Variants in BTF3L4 observed in about 807,000 individuals in gnomAD.
BTF3L4 encodes the protein basic transcription factor 3 like 4.
BTF3L4 carries 6 observed loss-of-function variants against 16.8 expected under a neutral mutation model. The ratio of observed to expected loss-of-function variants is 0.36; its 90% CI spans 0.20 to 0.71. The LOEUF (loss-of-function observed/expected upper bound fraction) is 0.71. Among genes scored for constraint, BTF3L4 ranks in the 30% least tolerant of loss-of-function variants. The pLI is 0.58. For missense variants in BTF3L4, 92 were observed against 186.9 expected, an observed-to-expected ratio of 0.49 and a Z score of 2.96; for synonymous variants, 39 against 59.8, an observed-to-expected ratio of 0.65 and a Z score of 1.60.
chr1:52,056,665 T>A (rs546418374), intron 1 of BTF3L4, among the ~76,000 whole-genome samples: 1 of 152,382 alleles, frequency 6.6e-6, no homozygotes, highest in South Asian at 2.1e-4. Context: ...GCCCCTCCTC[T>A]GTTCCATTAC....
chr1:52,070,897 A>G (rs1400638984), intron 3 of BTF3L4, among the ~76,000 whole-genome samples: 1 of 152,052 alleles, frequency 6.6e-6, no homozygotes, highest in Non-Finnish European at 1.5e-5. Flanking sequence ...TGGCCTCCCA[A>G]AGTCCTGGGA....
In BTF3L4 at chr1:52,064,929, T is replaced by G; in HGVS notation, c.159T>G (p.Gly53=). The G allele has an allele frequency of 2.5e-6, 4 of 1,604,132 alleles. No homozygotes were observed. The highest frequency in any genetic ancestry group is 3.4e-6 in the Non-Finnish European group (4 of 1,171,760). ...LKKLAVNNIA[G]IEEVNMIKDD... is the part of the protein sequence containing the mutation. ...AACTGGCTGTGAATAATATAGCTGG[T>G]ATTGAAGAGGTATGATCACTTTGCA... is the stretch of plus-strand genomic sequence containing the variant. The change falls in exon 3 of 6, where the codon GGT becomes GGG. Residue 53 remains glycine, a synonymous_variant. Coordinates refer to ENST00000313334, the MANE Select transcript of BTF3L4 (RefSeq NM_152265.5).
At chr1:52,062,618 C>A (rs1686544205) in intron 2 of BTF3L4, among the ~76,000 whole-genome samples, 2 of 152,118 alleles carry the variant, frequency 1.3e-5, no homozygotes, top group Non-Finnish European at 2.9e-5. Context: ...GAGTTTTATC[C>A]TATAGGCAGT....
At chr1:52,071,929 C>CTGTG (rs1558007148) in intron 3 of BTF3L4, among the ~76,000 whole-genome samples, 2 of 78,950 alleles carry the variant, frequency 2.5e-5, no homozygotes, top group African/African-American at 4.9e-5. Context: ...TTGTTTTTTA[C>CTGTG]TCTGTGTGTG....
At chr1:52,083,597 T>A (rs1643943595) in intron 4 of BTF3L4, 56 bp downstream of exon 4, 2 of 1,399,382 alleles carry the variant, frequency 1.4e-6, no homozygotes, top group Admixed American at 3.6e-5. Flanking sequence ...AAGAACCTAA[T>A]CATTTAAAAG....
At chr1:52,070,097 A>G (rs1274540831) in intron 3 of BTF3L4, among the ~76,000 whole-genome samples, 1 of 152,028 alleles carries the variant, frequency 6.6e-6, no homozygotes, top group African/African-American at 2.4e-5. Context: ...CATGCCTGTA[A>G]TCCTAGCTAC....
chr1:52,059,937 T>C (rs1255434059), intron 2 of BTF3L4, 36 bp downstream of exon 2: 2 of 1,568,454 alleles, frequency 1.3e-6, no homozygotes, highest in Non-Finnish European at 1.7e-6. Context: ...TAGGAGAATG[T>C]ATGATTACCA....
At chr1:52,085,644 G>C (rs982689089) in intron 4 of BTF3L4, among the ~76,000 whole-genome samples, 2 of 152,042 alleles carry the variant, frequency 1.3e-5, no homozygotes, top group African/African-American at 4.8e-5. Flanking sequence ...GAGGTCAGGA[G>C]TTCGAGACCA....
intron 3 of BTF3L4, among the ~76,000 whole-genome samples, chr1:52,067,149 T>C (rs1686671577): frequency 6.6e-6 from 1 of 152,120 alleles, no homozygotes; most frequent in East Asian, 1.9e-4. Flanking sequence ...GGCAGGAGAA[T>C]GGCTTGAACC....
At chr1:52,060,425 C>G in intron 2 of BTF3L4, 1 of 1,248,032 alleles carries the variant, frequency 8.0e-7, no homozygotes, top group Non-Finnish European at 1.0e-6. Context: ...TGTTCATTGC[C>G]AGGTTTTCCT....
chr1:52,080,754 G>A (rs192848360), intron 3 of BTF3L4, among the ~76,000 whole-genome samples: 13 of 150,652 alleles, frequency 8.6e-5, no homozygotes, highest in African/African-American at 1.2e-4. Context: ...GACTGGTCTC[G>A]AACTCCTGAT....
chr1:52,073,985 A>C (rs1382160215), intron 3 of BTF3L4, among the ~76,000 whole-genome samples: 2 of 151,946 alleles, frequency 1.3e-5, no homozygotes, highest in East Asian at 3.9e-4. Context: ...CAACAAAGCA[A>C]GACTCCATCT....
At chr1:52,075,523 TAAAA>T (rs71041887) in intron 3 of BTF3L4, among the ~76,000 whole-genome samples, 1 of 115,682 alleles carries the variant, frequency 8.6e-6, no homozygotes, top group African/African-American at 3.2e-5. Flanking sequence ...AGACTACGTC[TAAAA>T]AAAAAAAAAA....
At chr1:52,066,337 G>A (rs1459445402) in intron 3 of BTF3L4, among the ~76,000 whole-genome samples, 3 of 150,526 alleles carry the variant, frequency 2.0e-5, no homozygotes, top group South Asian at 2.1e-4. Flanking sequence ...GATTACAGGC[G>A]CCCACCACCA....
chr1:52,089,695 T>G lies in BTF3L4; in HGVS notation c.*2937T>G, dbSNP rs745783309. 6.6e-6 allele frequency: 1 copy of G among 152,134 alleles called. No individual in the cohort carries two copies. Among genetic ancestry groups the G allele is most frequent in the African/African-American group, 2.4e-5 (1 of 41,442 alleles). The allele number at this position is 152,134 out of a possible 1,614,324, so 9.4% of individuals were successfully genotyped here. A position where few individuals can be genotyped will look rare whatever the true frequency, so the allele number is the denominator to read the frequency against. On this transcript the variant is annotated 3_prime_UTR_variant, in exon 6 of 6. Coordinates refer to ENST00000313334, the MANE Select transcript of BTF3L4 (RefSeq NM_152265.5). ...AATTTTTGTGTTAGTCCTTTGAGGT[T>G]TTTTTGTTTTTGTTTTTGTTCTTTG...
At chr1:52,085,394 A>T (rs1643962499) in intron 4 of BTF3L4, among the ~76,000 whole-genome samples, 1 of 147,226 alleles carries the variant, frequency 6.8e-6, no homozygotes, top group Admixed American at 6.8e-5. Context: ...TTTTTTTGAG[A>T]CAGAGTCTGA....
Position 52,089,327 on chromosome 1 carries a change from C to T in BTF3L4, c.*2569C>T, listed in dbSNP as rs1254636395. On this transcript the variant is annotated 3_prime_UTR_variant, in exon 6 of 6. Transcript: ENST00000313334. ...GCTGGCCTCTCTTGTGTACAATGAGCCAATATTCTTTTTTGTTCTATATTT... is the reference window on the plus strand; with the variant it reads ...GCTGGCCTCTCTTGTGTACAATGAGTCAATATTCTTTTTTGTTCTATATTT... 6.6e-6 allele frequency: 1 copy of T among 151,994 alleles called. No individual in the cohort carries two copies. Among genetic ancestry groups the T allele is most frequent in the African/African-American group, 2.4e-5 (1 of 41,396 alleles). 9.4% of individuals were successfully genotyped at this position (151,994 alleles called of 1,614,324 possible).
intron 3 of BTF3L4, among the ~76,000 whole-genome samples, chr1:52,074,381 T>G (rs1213054982): frequency 6.6e-6 from 1 of 151,506 alleles, no homozygotes; most frequent in Non-Finnish European, 1.5e-5. Context: ...TTTTTTTTTT[T>G]GGAGGCAGTT....
intron 3 of BTF3L4, among the ~76,000 whole-genome samples, chr1:52,067,788 G>A (rs1471971959): frequency 6.6e-6 from 1 of 152,106 alleles, no homozygotes; most frequent in Non-Finnish European, 1.5e-5. Context: ...CCTCAGCCCT[G>A]TTGACATTTT....
Sources: allele counts gnomAD v4.1 joint callset (sites outside exome capture counted in the v4.1 genomes callset), GRCh38; gene constraint gnomAD v4.1.1; transcripts MANE v1.5; gene names NCBI Gene and HGNC (gene_info 2026-07-23, HGNC 2026-07-21).